The following CADM2 variants were observed in gnomAD, a reference collection of about 807,000 sequenced individuals.
The protein encoded by CADM2 is immunoglobulin superfamily member 4D.
A neutral mutation model predicts 49.8 loss-of-function variants in CADM2; 12 were observed. The observed-to-expected ratio is 0.24, with a 90% confidence interval of 0.15 to 0.39. The LOEUF (loss-of-function observed/expected upper bound fraction) is 0.39. Among genes scored for constraint, CADM2 ranks in the 10% least tolerant of loss-of-function variants. The probability of loss-of-function intolerance (pLI) is 1.00; values close to 1 mark genes in which losing one functional copy is unlikely to be tolerated. For synonymous variants in CADM2, 214 were observed against 175.4 expected, an observed-to-expected ratio of 1.22 and a Z score of -1.74; for missense variants, 378 against 492.3, an observed-to-expected ratio of 0.77 and a Z score of 2.20.
At chr3:85,570,353 C>T (rs1013345258) in intron 1 of CADM2, among the ~76,000 whole-genome samples, 1 of 151,924 alleles carries the variant, frequency 6.6e-6, no homozygotes, top group Non-Finnish European at 1.5e-5. Context: ...CAGAGGAAAT[C>T]TTTTACGAAG....
At chr3:85,309,523 A>T (rs1406481304) in intron 1 of CADM2, among the ~76,000 whole-genome samples, 1 of 152,154 alleles carries the variant, frequency 6.6e-6, no homozygotes, top group Non-Finnish European at 1.5e-5. Context: ...CATGCAAGTT[A>T]ATTAGCACAG....
At chr3:85,497,026 T>A (rs1203087890) in intron 1 of CADM2, among the ~76,000 whole-genome samples, 1 of 93,446 alleles carries the variant, frequency 1.1e-5, no homozygotes. Flanking sequence ...GTATTTTTAG[T>A]AGAGACACCC....
chr3:85,327,815 A>C (rs1375390859), intron 1 of CADM2, among the ~76,000 whole-genome samples: 1 of 152,078 alleles, frequency 6.6e-6, no homozygotes, highest in Non-Finnish European at 1.5e-5. Context: ...TTGTGAATTA[A>C]AATTCTATTC....
intron 1 of CADM2, among the ~76,000 whole-genome samples, chr3:85,467,113 T>C (rs2038530868): frequency 6.6e-6 from 1 of 152,162 alleles, no homozygotes; most frequent in Non-Finnish European, 1.5e-5. Flanking sequence ...CTACAAGAGA[T>C]ATAGTTTTAT....
intron 1 of CADM2, among the ~76,000 whole-genome samples, chr3:85,480,056 A>C (rs2039146456): frequency 6.6e-6 from 1 of 151,746 alleles, no homozygotes; most frequent in African/African-American, 2.4e-5. Context: ...TTCTAATTGA[A>C]GGTTATGGCT....
chr3:85,324,562 C>CAT lies in CADM2; in HGVS notation c.61+364901_61+364902dup, dbSNP rs112422877. 6.2e-3 allele frequency among the ~76,000 whole-genome samples: 939 copies of CAT among 152,254 alleles called. 8 individuals carry two copies. Among genetic ancestry groups the CAT allele is most frequent in the African/African-American group, 0.021 (854 of 41,530 alleles). ...AAACCACACTTTCATTAAAAATGTACATATATATTCTATAACTAAACATGG... is the reference window on the plus strand; with the variant it reads ...AAACCACACTTTCATTAAAAATGTACATATATATATTCTATAACTAAACATGG... On this transcript the variant is annotated intron_variant, in intron 1 of 9. Transcript: ENST00000383699.
intron 1 of CADM2, among the ~76,000 whole-genome samples, chr3:85,633,409 A>G (rs1194197903): frequency 6.6e-6 from 1 of 152,058 alleles, no homozygotes; most frequent in Non-Finnish European, 1.5e-5. Flanking sequence ...TTGAGAAGAA[A>G]AAAAGATGAT....
chr3:85,093,048 C>T (rs2037657510), intron 1 of CADM2, among the ~76,000 whole-genome samples: 1 of 152,148 alleles, frequency 6.6e-6, no homozygotes, highest in Non-Finnish European at 1.5e-5. Context: ...CTAACATCTA[C>T]TTACTCTATC....
chr3:85,074,384 T>A (rs72903381), intron 1 of CADM2, among the ~76,000 whole-genome samples: 1 of 152,048 alleles, frequency 6.6e-6, no homozygotes, highest in Admixed American at 6.6e-5. Context: ...TCTACCTTTA[T>A]CCTGTTCTTA....
At chr3:85,646,716 A>T (rs1226293885) in intron 1 of CADM2, among the ~76,000 whole-genome samples, 1 of 151,952 alleles carries the variant, frequency 6.6e-6, no homozygotes, top group Admixed American at 6.6e-5. Context: ...TTACTTCTCA[A>T]ATCGCAGCAT....
chr3:85,592,917 A>C (rs2063146550), intron 1 of CADM2, among the ~76,000 whole-genome samples: 1 of 151,716 alleles, frequency 6.6e-6, no homozygotes, highest in Non-Finnish European at 1.5e-5. Context: ...ATGTATTCTC[A>C]TTGTTCAATT....
chr3:85,601,296 T>C (rs2063398520), intron 1 of CADM2, among the ~76,000 whole-genome samples: 1 of 150,372 alleles, frequency 6.7e-6, no homozygotes, highest in South Asian at 2.1e-4. Context: ...TGGCTATACA[T>C]GAAATATTAA....
At chr3:85,853,818 G>A (rs2075200969) in intron 3 of CADM2, among the ~76,000 whole-genome samples, 1 of 152,074 alleles carries the variant, frequency 6.6e-6, no homozygotes, top group African/African-American at 2.4e-5. Flanking sequence ...AAATAGTGCA[G>A]TGCTTGAAGT....
chr3:85,381,509 T>A (rs1212237963), intron 1 of CADM2, among the ~76,000 whole-genome samples: 1 of 147,696 alleles, frequency 6.8e-6, no homozygotes, highest in African/African-American at 2.5e-5. Context: ...AATATATATA[T>A]AAAGTATATA....
chr3:85,792,865 G>T (rs750945004), intron 2 of CADM2, among the ~76,000 whole-genome samples: 1 of 152,000 alleles, frequency 6.6e-6, no homozygotes, highest in Non-Finnish European at 1.5e-5. Context: ...TTGCTTTTAT[G>T]CTCTAAGGTT....
rs530249964 is a variant in CADM2, at chr3:85,014,813, TG to T, written c.61+55146del. On this transcript the variant is annotated intron_variant, in intron 1 of 9. Transcript: ENST00000383699. ...AATCTAGGAAATTACATACCATCAA[TG>T]TTTCATTATGCTTTCGGGCACGCAA... Among the ~76,000 whole-genome samples the T allele has an allele frequency of 2.9e-3, 440 of 152,230 alleles. 3 individuals are homozygous for T. Among genetic ancestry groups the T allele is most frequent in the African/African-American group, 0.01 (423 of 41,540 alleles).
intron 8 of CADM2, among the ~76,000 whole-genome samples, chr3:85,971,629 G>A (rs1219604419): frequency 6.6e-6 from 1 of 151,616 alleles, no homozygotes; most frequent in Non-Finnish European, 1.5e-5. Flanking sequence ...TTTACTTTCA[G>A]GTAGAGTATT....
chr3:85,704,464 G>T (rs2066875242), intron 1 of CADM2, among the ~76,000 whole-genome samples: 1 of 152,090 alleles, frequency 6.6e-6, no homozygotes. Flanking sequence ...CTGGTTCTTG[G>T]TGAAAGCCCT....
intron 8 of CADM2, among the ~76,000 whole-genome samples, chr3:85,988,605 GATTTTA>G (rs1334694484): frequency 1.3e-5 from 2 of 152,124 alleles, no homozygotes; most frequent in African/African-American, 4.8e-5. Context: ...TTAAAATTTT[GATTTTA>G]ACAGAGTTAA....
Sources: allele counts gnomAD v4.1 joint callset (sites outside exome capture counted in the v4.1 genomes callset), GRCh38; gene constraint gnomAD v4.1.1; transcripts MANE v1.5; gene names NCBI Gene and HGNC (gene_info 2026-07-23, HGNC 2026-07-21).